The following KCTD8 variants were observed in gnomAD, a reference collection of about 807,000 sequenced individuals.
KCTD8 encodes the protein potassium channel tetramerization domain containing 8.
Under a neutral mutation model 31.5 loss-of-function variants are expected in KCTD8, and 27 were observed. The observed-to-expected ratio is 0.86, with a 90% CI of 0.63 to 1.18. The LOEUF is 1.18. Among genes scored for constraint, KCTD8 ranks in the 50% most tolerant of loss-of-function variants. The pLI, the probability that KCTD8 is intolerant of heterozygous loss-of-function variation, is 0.00. For synonymous variants in KCTD8, 290 were observed against 280.0 expected, an observed-to-expected ratio of 1.04 and a Z score of -0.36; for missense variants, 658 against 647.7, an observed-to-expected ratio of 1.02 and a Z score of -0.17.
In KCTD8 at chr4:44,210,620, T is replaced by G. The variant is rs1714457966; in HGVS notation, c.962-35370A>C. 2.6e-5 allele frequency among the ~76,000 whole-genome samples: 4 copies of G among 152,124 alleles called. No homozygotes were observed. In the South Asian group the frequency reaches 8.3e-4, roughly 31 times the overall value. On this transcript the variant is annotated intron_variant, in intron 1 of 1. Coordinates refer to ENST00000360029, the MANE Select transcript of KCTD8 (RefSeq NM_198353.3). Reference sequence around the variant, plus strand: ...TAAGATTTCAGTTAAATCTGATAAATGAATGCTGGAAGAAAGAGCTTCCTG... The same window carrying G: ...TAAGATTTCAGTTAAATCTGATAAAGGAATGCTGGAAGAAAGAGCTTCCTG...
At position 44,438,545 on chromosome 4, in the gene KCTD8, G is replaced by A. The variant is rs894121434; in HGVS notation, c.961+9018C>T. Among the ~76,000 whole-genome samples the A allele has an allele frequency of 2.0e-5, 3 of 152,150 alleles. No individual in the cohort carries two copies. The South Asian group carries it at 6.2e-4, about 31-fold the overall frequency. On this transcript the variant is annotated intron_variant, in intron 1 of 1. Transcript: ENST00000360029. ...CCAGTGACCAGCACTGGACCTGGAAGAGTACATTTTTCCACCTAATCAATG... is the reference window on the plus strand; with the variant it reads ...CCAGTGACCAGCACTGGACCTGGAAAAGTACATTTTTCCACCTAATCAATG...
At chr4:44,323,508 C>CCT (rs1324815789) in intron 1 of KCTD8, among the ~76,000 whole-genome samples, 8 of 136,398 alleles carry the variant, frequency 5.9e-5, no homozygotes, top group South Asian at 2.7e-4. Flanking sequence ...CCACCCCCCC[C>CCT]CAAAAAAAAT....
intron 1 of KCTD8, among the ~76,000 whole-genome samples, chr4:44,260,944 A>G (rs1482269844): frequency 6.6e-6 from 1 of 152,026 alleles, no homozygotes; most frequent in East Asian, 1.9e-4. Context: ...GAGATGAGCT[A>G]GAACCTATTG....
chr4:44,265,933 T>A (rs1716339950), intron 1 of KCTD8, among the ~76,000 whole-genome samples: 1 of 151,904 alleles, frequency 6.6e-6, no homozygotes, highest in Non-Finnish European at 1.5e-5. Context: ...TACCTGAAAG[T>A]GACAGGGAGA....
intron 1 of KCTD8, among the ~76,000 whole-genome samples, chr4:44,244,930 C>T (rs766669635): frequency 2.4e-4 from 36 of 151,080 alleles, no homozygotes; most frequent in Non-Finnish European, 8.8e-5. Flanking sequence ...TGTCTTTTAA[C>T]ATTTGAGTGT....
chr4:44,350,442 A>T lies in KCTD8; in HGVS notation c.961+97121T>A, dbSNP rs1475720049. On this transcript the variant is annotated intron_variant, in intron 1 of 1. Coordinates refer to ENST00000360029, the MANE Select transcript of KCTD8 (RefSeq NM_198353.3). ...TCTGCACTCTTGTGGTTTCATGTAC[A>T]CCTATAATAAGTGGGTCATTAAGTC... is the stretch of plus-strand genomic sequence containing the variant. Among the ~76,000 whole-genome samples the T allele has an allele frequency of 2.6e-5, 4 of 152,156 alleles. No homozygotes were observed. In the East Asian group the frequency reaches 7.7e-4, roughly 29 times the overall value.
intron 1 of KCTD8, among the ~76,000 whole-genome samples, chr4:44,408,135 A>T (rs1301773934): frequency 6.6e-6 from 1 of 152,214 alleles, no homozygotes; most frequent in Non-Finnish European, 1.5e-5. Context: ...AGACAAGTTA[A>T]ATCCTTGAAC....
At chr4:44,198,854 T>A (rs776867034) in intron 1 of KCTD8, among the ~76,000 whole-genome samples, 4 of 151,940 alleles carry the variant, frequency 2.6e-5, no homozygotes, top group Non-Finnish European at 5.9e-5. Context: ...TTAAAAGGCA[T>A]AAAGTGGCAA....
intron 1 of KCTD8, among the ~76,000 whole-genome samples, chr4:44,320,550 T>G (rs2109405678): frequency 6.6e-6 from 1 of 152,324 alleles, no homozygotes; most frequent in Non-Finnish European, 1.5e-5. Context: ...GCATCATACA[T>G]TTTGGTGGTA....
At chr4:44,180,610 CA>C (rs1194828902) in intron 1 of KCTD8, among the ~76,000 whole-genome samples, 1 of 152,002 alleles carries the variant, frequency 6.6e-6, no homozygotes, top group East Asian at 1.9e-4. Context: ...CACACACACA[CA>C]CACACACACT....
At chr4:44,400,942 T>C (rs1044212718) in intron 1 of KCTD8, among the ~76,000 whole-genome samples, 11 of 150,460 alleles carry the variant, frequency 7.3e-5, no homozygotes, top group Non-Finnish European at 1.3e-4. Context: ...GCTCAAGCAA[T>C]CCCTCTGCCT....
chr4:44,341,914 T>C (rs1718908331), intron 1 of KCTD8, among the ~76,000 whole-genome samples: 1 of 152,214 alleles, frequency 6.6e-6, no homozygotes, highest in Admixed American at 6.5e-5. Context: ...TCACTATAGA[T>C]AGCAGCTATA....
intron 1 of KCTD8, among the ~76,000 whole-genome samples, chr4:44,351,085 T>C (rs1719183164): frequency 6.6e-6 from 1 of 152,186 alleles, no homozygotes; most frequent in African/African-American, 2.4e-5. Flanking sequence ...CTCCCATTTA[T>C]TCTGTTCCTT....
At chr4:44,316,067 C>T (rs1481913251) in intron 1 of KCTD8, among the ~76,000 whole-genome samples, 2 of 151,962 alleles carry the variant, frequency 1.3e-5, no homozygotes, top group South Asian at 2.1e-4. Flanking sequence ...GCTCTTTTTC[C>T]CATTTTTTTA....
chr4:44,202,289 G>T (rs1228517405), intron 1 of KCTD8, among the ~76,000 whole-genome samples: 1 of 151,924 alleles, frequency 6.6e-6, no homozygotes, highest in Non-Finnish European at 1.5e-5. Context: ...TCCATTTCTG[G>T]GGATAATAAA....
chr4:44,291,700 G>A (rs901926687), intron 1 of KCTD8, among the ~76,000 whole-genome samples: 5 of 151,572 alleles, frequency 3.3e-5, no homozygotes, highest in African/African-American at 9.7e-5. Context: ...CTACAGAATG[G>A]GTGAAACAAT....
chr4:44,399,289 A>G (rs1720586430), intron 1 of KCTD8, among the ~76,000 whole-genome samples: 1 of 152,198 alleles, frequency 6.6e-6, no homozygotes, highest in Admixed American at 6.6e-5. Context: ...GATTAGTGAA[A>G]GAATTCAGGC....
chr4:44,182,928 G>T (rs1449418209), intron 1 of KCTD8, among the ~76,000 whole-genome samples: 3 of 152,038 alleles, frequency 2.0e-5, no homozygotes, highest in African/African-American at 7.2e-5. Context: ...TATATATTAA[G>T]TACTTTAAAA....
At chr4:44,427,809 A>C (rs1489273437) in intron 1 of KCTD8, among the ~76,000 whole-genome samples, 1 of 151,832 alleles carries the variant, frequency 6.6e-6, no homozygotes, top group African/African-American at 2.4e-5. Context: ...GTAATGTCAC[A>C]GCATACATTA....
Sources: allele counts gnomAD v4.1 joint callset (sites outside exome capture counted in the v4.1 genomes callset), GRCh38; gene constraint gnomAD v4.1.1; transcripts MANE v1.5; gene names NCBI Gene and HGNC (gene_info 2026-07-23, HGNC 2026-07-21).